TASOR: variants seen among roughly 807,000 people sequenced by gnomAD.
TASOR encodes the protein protein TASOR.
TASOR carries 53 observed loss-of-function variants against 178.6 expected under a neutral mutation model. The observed-to-expected ratio is 0.30, with a 90% CI of 0.24 to 0.37. TASOR has a LOEUF of 0.37. TASOR is among the 10% of genes least tolerant of loss of function. TASOR has a pLI of 1.00. For missense variants in TASOR, 1,815 were observed against 1,971.4 expected (o/e 0.92, Z 1.50); for synonymous variants, 713 against 696.2 (o/e 1.02, Z -0.38).
intron 17 of TASOR, 59 bp from the exon 18 acceptor site, chr3:56,634,025 C>A: frequency 1.5e-6 from 2 of 1,360,828 alleles, no homozygotes; most frequent in Middle Eastern, 1.9e-4. Context: ...TATGAAAACA[C>A]AAACCCTTAA....
intron 7 of TASOR, among the ~76,000 whole-genome samples, chr3:56,665,097 T>A (rs2077678184): frequency 6.6e-6 from 1 of 152,086 alleles, no homozygotes; most frequent in South Asian, 2.1e-4. Flanking sequence ...GGTTTGAGGC[T>A]GCAGCAAGCT....
At chr3:56,678,120 T>A (rs1480759406) in intron 1 of TASOR, among the ~76,000 whole-genome samples, 1 of 151,764 alleles carries the variant, frequency 6.6e-6, no homozygotes, top group African/African-American at 2.4e-5. Flanking sequence ...TCCTGACTCT[T>A]AGCCATACTA....
chr3:56,683,010 G>A lies in TASOR; in HGVS notation c.-4C>T, dbSNP rs1371277345. The A allele has an allele frequency of 1.9e-6, 3 of 1,538,990 alleles. No homozygotes were observed. Among genetic ancestry groups the A allele is most frequent in the Non-Finnish European group, 2.6e-6 (3 of 1,141,212 alleles). On this transcript the variant is annotated 5_prime_UTR_variant, in exon 1 of 24. Transcript: ENST00000683822. ...CCGTCTCCACAGCAGTCGCCATCGC[G>A]CCGGCCTAAGGAGCTCTGGGAAGCT...
rs2076826395 is a variant in TASOR at position 56,627,570 on chromosome 3, ACAT to A, written c.4030+9_4030+11del. 9 of 1,613,512 alleles carry A rather than the reference ACAT, an allele frequency of 5.6e-6. No homozygotes were observed. The highest frequency in any genetic ancestry group is 7.6e-6 in the Non-Finnish European group (9 of 1,179,860). On this transcript the variant is annotated intron_variant, in intron 20 of 23. Coordinates refer to ENST00000683822, the MANE Select transcript of TASOR (RefSeq NM_001365635.2). ...GAAGAGGAGTTACGTGCTCAAAAGA[ACAT>A]CATCTTACCAACTGTGACAACCTCT...
At chr3:56,628,471 G>C in intron 19 of TASOR, 21 bp downstream of exon 19, 1 of 1,588,338 alleles carries the variant, frequency 6.3e-7, no homozygotes, top group Non-Finnish European at 8.6e-7. Context: ...CCAAAGTAGT[G>C]AATTTGACTT....
intron 14 of TASOR, among the ~76,000 whole-genome samples, chr3:56,644,078 T>C (rs1408583090): frequency 1.3e-5 from 2 of 152,222 alleles, no homozygotes; most frequent in Non-Finnish European, 2.9e-5. Context: ...ATTGAGTGCA[T>C]ATAATGTGCT....
chr3:56,638,837 C>A, intron 16 of TASOR, 72 bp from the exon 17 acceptor site: 1 of 1,412,524 alleles, frequency 7.1e-7, no homozygotes, highest in Non-Finnish European at 1.0e-6. Context: ...TCAGACAACC[C>A]CAAGTGATAA....
chr3:56,679,429 T>C (rs1188292167), intron 1 of TASOR, among the ~76,000 whole-genome samples: 2 of 152,232 alleles, frequency 1.3e-5, no homozygotes, highest in Non-Finnish European at 2.9e-5. Flanking sequence ...CTATTATGTA[T>C]GGAGAGAGCT....
intron 18 of TASOR, among the ~76,000 whole-genome samples, chr3:56,631,802 C>T (rs1225124401): frequency 6.6e-6 from 1 of 152,092 alleles, no homozygotes; most frequent in Non-Finnish European, 1.5e-5. Context: ...CCAGGATGGT[C>T]TCAATCTCCT....
chr3:56,623,253 A>G lies in TASOR; in HGVS notation c.4797T>C (p.His1599=), dbSNP rs773542044. 3.1e-6 allele frequency: 5 copies of G among 1,613,436 alleles called. No individual in the cohort carries two copies. Among genetic ancestry groups the G allele is most frequent in the Non-Finnish European group, 3.4e-6 (4 of 1,179,916 alleles). The stretch of plus-strand genomic sequence containing the variant: ...ACTGATGGGACATATTTAATTGACT[A>G]TGATAAACCTGAAAGTTACTATATG... ...QDSYSNFQVY[H]SQLNMSHQFS... The change falls in exon 24 of 24, where the codon CAT becomes CAC. Residue 1599 remains histidine (H), a synonymous_variant. Transcript: ENST00000683822.
rs892122011 is a variant in TASOR, at chr3:56,643,578, C to T, written c.2216-1826G>A. 3.3e-5 allele frequency among the ~76,000 whole-genome samples: 5 copies of T among 151,848 alleles called. No individual in the cohort carries two copies. The East Asian group carries it at 7.8e-4, about 24-fold the overall frequency. ...GAGATCGAGACCATCCTGGCTAACA[C>T]GGTGAAACCCCGTCTCTGCTAAAAA... On this transcript the variant is annotated intron_variant, in intron 14 of 23. Transcript: ENST00000683822.
At chr3:56,675,113 C>T (rs781729380) in intron 1 of TASOR, among the ~76,000 whole-genome samples, 4 of 151,880 alleles carry the variant, frequency 2.6e-5, no homozygotes, top group Admixed American at 1.3e-4. Flanking sequence ...CATGAGCCAC[C>T]GTGCCCAGCC....
intron 13 of TASOR, among the ~76,000 whole-genome samples, 191 bp downstream of exon 13, chr3:56,648,631 C>CAAAAAAAA (rs56218279): frequency 9.5e-5 from 8 of 84,552 alleles, no homozygotes; most frequent in African/African-American, 1.6e-4. Flanking sequence ...AACTCTGTAT[C>CAAAAAAAA]AAAAAAAAAA....
chr3:56,652,244 G>A (rs555833329), intron 11 of TASOR, among the ~76,000 whole-genome samples: 21 of 152,268 alleles, frequency 1.4e-4, no homozygotes, highest in African/African-American at 5.1e-4. Flanking sequence ...GCACAACAGT[G>A]TGAATCTACT....
At chr3:56,629,883 C>G (rs1200864947) in intron 18 of TASOR, among the ~76,000 whole-genome samples, 1 of 152,144 alleles carries the variant, frequency 6.6e-6, no homozygotes, top group Non-Finnish European at 1.5e-5. Context: ...TGATTTTGAT[C>G]CAATCTCTGG....
rs763001516 is a variant in TASOR, at chr3:56,646,564, C to T, written c.2173G>A (p.Ala725Thr). Residue 725 changes from alanine (A) to threonine (T), a missense_variant, in exon 14 of 24, where the codon GCC becomes ACC. Physicochemically the swap from Ala to Thr is moderately conservative, Grantham distance 58. Coordinates refer to ENST00000683822, the MANE Select transcript of TASOR (RefSeq NM_001365635.2). ...TTTTCAGATAAATTACTGGTTTTGG[C>T]GAGCTTTCTCATATTTTCAGGTAGA... ...EDLPENMRKL[A>T]KTSNLSENCH... 29 of 1,607,968 alleles carry T rather than the reference C, an allele frequency of 1.8e-5. 1 individual carries two copies. In the South Asian group the frequency reaches 2.3e-4, roughly 13 times the overall value.
intron 11 of TASOR, among the ~76,000 whole-genome samples, chr3:56,658,549 A>G (rs995633259): frequency 1.3e-5 from 2 of 152,222 alleles, no homozygotes; most frequent in African/African-American, 4.8e-5. Flanking sequence ...GAATGCTTGC[A>G]TTGTAGTCAG....
intron 1 of TASOR, among the ~76,000 whole-genome samples, chr3:56,676,207 G>A (rs942951863): frequency 9.9e-5 from 15 of 152,208 alleles, no homozygotes; most frequent in Non-Finnish European, 1.9e-4. Flanking sequence ...AGACCTGTGA[G>A]TGCCAGCCCT....
At chr3:56,656,939 G>C (rs184698320) in intron 11 of TASOR, among the ~76,000 whole-genome samples, 1 of 151,968 alleles carries the variant, frequency 6.6e-6, no homozygotes, top group East Asian at 1.9e-4. Flanking sequence ...GAACCCAGGA[G>C]GAGGAGGTTG....
Sources: allele counts gnomAD v4.1 joint callset (sites outside exome capture counted in the v4.1 genomes callset), GRCh38; gene constraint gnomAD v4.1.1; transcripts MANE v1.5; gene names NCBI Gene and HGNC (gene_info 2026-07-23, HGNC 2026-07-21).